Variants in MTMR6 observed in about 807,000 individuals in gnomAD.
MTMR6 encodes myotubularin related protein 6.
A neutral mutation model predicts 80.1 loss-of-function variants in MTMR6; 47 were observed. The ratio of observed to expected loss-of-function variants is 0.59; its 90% confidence interval spans 0.46 to 0.75. The LOEUF is 0.75. MTMR6 is among the 30% of genes least tolerant of loss of function. The pLI, the probability that MTMR6 is intolerant of heterozygous loss-of-function variation, is 0.00. For missense variants in MTMR6, 629 were observed against 730.9 expected (o/e 0.86, Z 1.61); for synonymous variants, 254 against 253.0 (o/e 1.00, Z -0.04).
chr13:25,253,775 T>C lies in MTMR6; in HGVS notation c.1335A>G (p.Arg445=). The change falls in exon 11 of 14, where the codon AGA becomes AGG. Residue 445 remains arginine, a synonymous_variant. Coordinates refer to ENST00000381801, the MANE Select transcript of MTMR6 (RefSeq NM_004685.5). ...GNFLGNCQKE[R]EELKLKEKTY... The stretch of plus-strand genomic sequence containing the variant: ...TTGAATCATCTTACTTGAGCTCTTC[T>C]CTTTCCTTCTGACAATTTCCAAGGA... 2 of 1,613,982 alleles carry C rather than the reference T, an allele frequency of 1.2e-6. No individual in the cohort carries two copies. The highest frequency in any genetic ancestry group is 2.2e-5 in the South Asian group (2 of 91,064).
intron 1 of MTMR6, among the ~76,000 whole-genome samples, chr13:25,286,859 A>G (rs917028618): frequency 6.6e-6 from 1 of 152,246 alleles, no homozygotes; most frequent in African/African-American, 2.4e-5. Context: ...TAATTTGAAG[A>G]CGGTTTTCCG....
intron 5 of MTMR6, among the ~76,000 whole-genome samples, chr13:25,262,148 A>G (rs1957354269): frequency 6.6e-6 from 1 of 152,206 alleles, no homozygotes; most frequent in Admixed American, 6.5e-5. Context: ...AGTTCAAGTA[A>G]AAGATTAGTC....
chr13:25,273,085 T>C (rs1244817929), intron 2 of MTMR6, among the ~76,000 whole-genome samples: 1 of 152,074 alleles, frequency 6.6e-6, no homozygotes, highest in African/African-American at 2.4e-5. Flanking sequence ...GTAAATTCTT[T>C]ATAATCAGCT....
In MTMR6 at chr13:25,287,368, G is replaced by A; in HGVS notation, c.-121C>T. 1 of 1,345,466 alleles carries A rather than the reference G, an allele frequency of 7.4e-7. No homozygotes were observed. Among genetic ancestry groups the A allele is most frequent in the Non-Finnish European group, 1.0e-6 (1 of 974,328 alleles). The allele number at this position is 1,345,466 out of a possible 1,614,324, so 83.3% of individuals were successfully genotyped here. On this transcript the variant is annotated 5_prime_UTR_variant, in exon 1 of 14. Coordinates refer to ENST00000381801, the MANE Select transcript of MTMR6 (RefSeq NM_004685.5). ...CTCCACCAGCCAGCGCCGCGGGTCT[G>A]TCTGCCGGCCCCGGTGGCGTCAACG...
chr13:25,263,110 G>A (rs971174719), intron 5 of MTMR6, among the ~76,000 whole-genome samples: 1 of 152,178 alleles, frequency 6.6e-6, no homozygotes, highest in African/African-American at 2.4e-5. Context: ...TGGGAAAAAA[G>A]ACATAGAGAT....
At position 25,257,839 on chromosome 13, in the gene MTMR6, C is replaced by A. The variant is rs1439448306; in HGVS notation, c.866G>T (p.Gly289Val). 3 of 1,609,878 alleles carry A rather than the reference C, an allele frequency of 1.9e-6. No individual in the cohort carries two copies. Among genetic ancestry groups the A allele is most frequent in the Non-Finnish European group, 2.5e-6 (3 of 1,177,466 alleles). Residue 289 changes from glycine to valine, a missense_variant, in exon 8 of 14, where the codon GGC becomes GTC. Transcript: ENST00000381801. The stretch of plus-strand genomic sequence containing the variant: ...ATCATTGACAGAAAGCCCTTTAGTG[C>A]CATTGACTGAAAGAGGTATAAAAAT... ...SSLQKLLEVN[G>V]TKGLSVNDFY...
At position 25,260,171 on chromosome 13, in the gene MTMR6, CTT is replaced by C. The variant is rs1236544021; in HGVS notation, c.727-1481_727-1480del. 2.9e-3 allele frequency among the ~76,000 whole-genome samples: 399 copies of C among 138,540 alleles called. 1 individual carries two copies. Among genetic ancestry groups the C allele is most frequent in the African/African-American group, 1.0e-2 (366 of 36,780 alleles). The allele number at this position is 138,540 out of a possible 152,430, so 90.9% of individuals were successfully genotyped here. ...AGCCACCATGTCCAGCCAGATAATT[CTT>C]TTTTTTTTTTTTGAGACGGAGTTTC... On this transcript the variant is annotated intron_variant, in intron 6 of 13. Coordinates refer to ENST00000381801, the MANE Select transcript of MTMR6 (RefSeq NM_004685.5).
At chr13:25,253,690 G>C in intron 11 of MTMR6, 74 bp downstream of exon 11, 1 of 1,276,952 alleles carries the variant, frequency 7.8e-7, no homozygotes, top group Non-Finnish European at 1.1e-6. Context: ...ATTTTATTAA[G>C]TTTCAAACAT....
At chr13:25,279,923 G>T (rs1312149428) in intron 1 of MTMR6, among the ~76,000 whole-genome samples, 2 of 152,180 alleles carry the variant, frequency 1.3e-5, no homozygotes, top group African/African-American at 4.8e-5. Context: ...TAGTCCATTA[G>T]GAAATATGGC....
At chr13:25,277,174 T>C (rs1222306200) in intron 1 of MTMR6, among the ~76,000 whole-genome samples, 2 of 152,198 alleles carry the variant, frequency 1.3e-5, no homozygotes, top group Non-Finnish European at 2.9e-5. Flanking sequence ...CCTTATCAAG[T>C]CACCCACACT....
Position 25,266,260 on chromosome 13 carries a change from A to C in MTMR6, c.331T>G (p.Ser111Ala), listed in dbSNP as rs1223956564. Residue 111 changes from serine to alanine, a missense_variant, in exon 4 of 14, where the codon TCT becomes GCT. Coordinates refer to ENST00000381801, the MANE Select transcript of MTMR6 (RefSeq NM_004685.5). ...QAKYEDLYAF[S>A]YNPKQNDSER... is the part of the protein sequence containing the mutation. ...GAATCATTTTGTTTGGGATTATAAG[A>C]AAATGCATAGAGATCTTCATATTTT... The C allele has an allele frequency of 2.5e-6, 4 of 1,612,356 alleles. No homozygotes were observed. Among genetic ancestry groups the C allele is most frequent in the Non-Finnish European group, 3.4e-6 (4 of 1,178,784 alleles).
Position 25,261,784 on chromosome 13 carries a change from T to C in MTMR6, c.610A>G (p.Ser204Gly). Reference sequence around the variant, plus strand: ...GCACTGAATCCAGAGAGTGGCTGACTACATCGACAAATGGCAGCCTATTTT... The same window carrying C: ...GCACTGAATCCAGAGAGTGGCTGACCACATCGACAAATGGCAGCCTATTTT... Reference protein sequence around the residue: ...QDKEAAICRCSQPLSGFSARC... With the variant: ...QDKEAAICRCGQPLSGFSARC... The change falls in exon 6 of 14, where the codon AGT (serine) becomes GGT (glycine). Residue 204 changes from serine (S) to glycine (G), a missense_variant. Physicochemically the swap from Ser to Gly is moderately conservative, Grantham distance 56 (BLOSUM62 0). Transcript: ENST00000381801. The C allele has an allele frequency of 6.2e-7, 1 of 1,612,874 alleles. No individual in the cohort carries two copies. Among genetic ancestry groups the C allele is most frequent in the Non-Finnish European group, 8.5e-7 (1 of 1,179,354 alleles).
chr13:25,276,815 CT>C (rs1203414956), intron 1 of MTMR6, among the ~76,000 whole-genome samples: 1 of 152,198 alleles, frequency 6.6e-6, no homozygotes, highest in East Asian at 1.9e-4. Flanking sequence ...TGAGGTCTCA[CT>C]ATGTGCCTAG....
chr13:25,286,996 C>T (rs568406796), intron 1 of MTMR6, among the ~76,000 whole-genome samples: 24 of 152,262 alleles, frequency 1.6e-4, no homozygotes, highest in Admixed American at 3.3e-4. Context: ...CTCCAAGATG[C>T]TGAAAGTGGG....
Position 25,249,141 on chromosome 13 carries a change from T to C in MTMR6, c.*91A>G. 3 of 1,408,204 alleles carry C rather than the reference T, an allele frequency of 2.1e-6. No homozygotes were observed. The highest frequency in any genetic ancestry group is 4.2e-4 in the Middle Eastern group (2 of 4,752). 87.2% of individuals were successfully genotyped at this position (1,408,204 alleles called of 1,614,324 possible). ...CTACTGTTAAACCCTAAAATTGTTA[T>C]TAGACAAATTCCTTTTGGTTATGCT... On this transcript the variant is annotated 3_prime_UTR_variant, in exon 14 of 14. Transcript: ENST00000381801.
Position 25,267,899 on chromosome 13 carries a change from T to C in MTMR6, c.184A>G (p.Thr62Ala). 1 of 1,612,812 alleles carries C rather than the reference T, an allele frequency of 6.2e-7. No individual in the cohort carries two copies. The highest frequency in any genetic ancestry group is 8.5e-7 in the Non-Finnish European group (1 of 1,179,414). ...ATCACAAGGGGGCATCCAGAAGTAGTCAAAGCAAGTTTCTCTACTGAGGCA... is the reference window on the plus strand; with the variant it reads ...ATCACAAGGGGGCATCCAGAAGTAGCCAAAGCAAGTTTCTCTACTGAGGCA... ...HIASVEKLALTTSGCPLVIQC... is the reference protein window; with the variant it reads ...HIASVEKLALATSGCPLVIQC... Residue 62 changes from threonine to alanine, a missense_variant, in exon 3 of 14, where the codon ACT becomes GCT. Thr to Ala is a moderately conservative substitution (Grantham distance 58). Transcript: ENST00000381801.
In MTMR6 at chr13:25,249,082, A is replaced by G. The variant is rs1957033335; in HGVS notation, c.*150T>C. Reference sequence around the variant, plus strand: ...AATTAAAATGACTTATTTCTCTCACAAGGGTAGTTATTATCCTTCCTTCAA... The same window carrying G: ...AATTAAAATGACTTATTTCTCTCACGAGGGTAGTTATTATCCTTCCTTCAA... On this transcript the variant is annotated 3_prime_UTR_variant, in exon 14 of 14. Coordinates refer to ENST00000381801, the MANE Select transcript of MTMR6 (RefSeq NM_004685.5). The G allele has an allele frequency of 1.4e-6, 1 of 720,870 alleles. No homozygotes were observed. Among genetic ancestry groups the G allele is most frequent in the Non-Finnish European group, 2.2e-6 (1 of 452,450 alleles). The allele number at this position is 720,870 out of a possible 1,614,324, so 44.7% of individuals were successfully genotyped here.
At position 25,251,531 on chromosome 13, in the gene MTMR6, T is replaced by C; in HGVS notation, c.1605+118A>G. The C allele has an allele frequency of 1.1e-6, 1 of 909,876 alleles. No homozygotes were observed. Among genetic ancestry groups the C allele is most frequent in the Non-Finnish European group, 1.6e-6 (1 of 613,164 alleles). 56.4% of individuals were successfully genotyped at this position (909,876 alleles called of 1,614,324 possible). ...CAATCAAAGTAGGGATGACCTGATT[T>C]TGAAGAAACTGCTTACTTCAGAAGT... On this transcript the variant is annotated intron_variant, in intron 13 of 13. Transcript: ENST00000381801. The surrounding 1 kb of genome is among the most constrained non-coding windows in gnomAD (Gnocchi z 4.1).
intron 1 of MTMR6, among the ~76,000 whole-genome samples, chr13:25,275,538 T>G (rs1398837185): frequency 6.6e-6 from 1 of 151,766 alleles, no homozygotes; most frequent in Non-Finnish European, 1.5e-5. Flanking sequence ...ACTAGCTCAT[T>G]AATTCTACAA....
Sources: gnomAD v4.1 joint callset for allele counts (sites outside exome capture counted in the v4.1 genomes callset) on GRCh38, gnomAD v4.1.1 for gene constraint, Gnocchi (gnomAD v3.1) non-coding constraint, MANE v1.5 for transcripts, NCBI Gene and HGNC (gene_info 2026-07-23, HGNC 2026-07-21) for gene names.